The following PCDHGA12 variants were observed in gnomAD, a reference collection of about 807,000 sequenced individuals.
The protein encoded by PCDHGA12 is protocadherin gamma subfamily A, 12, also known as protocadherin gamma-A12.
A neutral mutation model predicts 61.1 loss-of-function variants in PCDHGA12; 43 were observed. The observed-to-expected ratio is 0.70, with a 90% CI of 0.55 to 0.91. The LOEUF is 0.91. Among genes scored for constraint, PCDHGA12 ranks in the 40% least tolerant of loss-of-function variants. The pLI is 0.00. For missense variants in PCDHGA12, 1,236 were observed against 1,227.7 expected (o/e 1.01, Z -0.10); for synonymous variants, 520 against 542.9 (o/e 0.96, Z 0.59).
intron 1 of PCDHGA12, among the ~76,000 whole-genome samples, chr5:141,462,009 G>C (rs2099028674): frequency 6.6e-6 from 1 of 152,190 alleles, no homozygotes; most frequent in Non-Finnish European, 1.5e-5. Flanking sequence ...TTTTAATAGA[G>C]ACGGGGTTTC....
Position 141,512,171 on chromosome 5 carries a change from T to C in PCDHGA12, c.*998T>C, listed in dbSNP as rs140884268. ...GGGCTGAGCTAACAGGACCAATGGA[T>C]TAAACTGGCATTTCAGTCCAAGGAA... On this transcript the variant is annotated 3_prime_UTR_variant, in exon 4 of 4. Transcript: ENST00000252085. 584 of 152,796 alleles carry C rather than the reference T, an allele frequency of 3.8e-3. 5 individuals carry two copies. The highest frequency in any genetic ancestry group is 0.011 in the Admixed American group (167 of 15,298). The allele number at this position is 152,796 out of a possible 1,614,324, so 9.5% of individuals were successfully genotyped here. A position where few individuals can be genotyped will look rare whatever the true frequency, so the allele number is the denominator to read the frequency against.
intron 1 of PCDHGA12, among the ~76,000 whole-genome samples, chr5:141,457,155 A>G (rs1403164805): frequency 1.3e-5 from 2 of 152,216 alleles, no homozygotes; most frequent in Admixed American, 6.5e-5. Flanking sequence ...AGAAGGTGCT[A>G]CCATGGATAA....
In PCDHGA12 at chr5:141,505,470, C is replaced by G; in HGVS notation, c.2561C>G (p.Ala854Gly). 6.2e-7 allele frequency: 1 copy of G among 1,614,186 alleles called. No individual in the cohort carries two copies. Among genetic ancestry groups the G allele is most frequent in the Non-Finnish European group, 8.5e-7 (1 of 1,180,002 alleles). Residue 854 changes from alanine to glycine, a missense_variant, in exon 3 of 4, where the codon GCG (alanine) becomes GGG (glycine). Ala to Gly is a moderately conservative substitution (Grantham distance 60). Transcript: ENST00000252085. ...GAGATGCTGCAAGCCATGATCTTGG[C>G]GTCCGCCAGTGGTAAGTGGTGTCAG... The part of the protein sequence containing the change: ...DTEMLQAMIL[A>G]SASEAADGSS...
chr5:141,462,983 T>C (rs530985795), intron 1 of PCDHGA12, among the ~76,000 whole-genome samples: 278 of 152,304 alleles, frequency 1.8e-3, no homozygotes, highest in Non-Finnish European at 3.4e-3. Flanking sequence ...AACTTTTGCC[T>C]TGGGCTAATT....
rs202183643 is a variant in PCDHGA12 at position 141,490,646 on chromosome 5, C to T, written c.2425-4161C>T. 9 of 1,614,186 alleles carry T rather than the reference C, an allele frequency of 5.6e-6. No homozygotes were observed. Among genetic ancestry groups the T allele is most frequent in the African/African-American group, 2.7e-5 (2 of 75,054 alleles). ...GCTTACATCCTAGAAAACCGGCCTC[C>T]GGGCTCCCTTCTTTGCACTGTGGCT... On this transcript the variant is annotated intron_variant, in intron 1 of 3. Transcript: ENST00000252085. The surrounding 1 kb of genome is among the most constrained non-coding windows in gnomAD (Gnocchi z 5.4).
intron 1 of PCDHGA12, among the ~76,000 whole-genome samples, chr5:141,438,517 T>G (rs975190211): frequency 6.7e-6 from 1 of 148,384 alleles, no homozygotes; most frequent in Non-Finnish European, 1.5e-5. Context: ...AAACCAATTA[T>G]TTTACATGGA....
rs1399367534 is a variant in PCDHGA12 at position 141,487,098 on chromosome 5, A to G, written c.2425-7709A>G. 6.2e-7 allele frequency: 1 copy of G among 1,613,778 alleles called. No homozygotes were observed. The highest frequency in any genetic ancestry group is 8.5e-7 in the Non-Finnish European group (1 of 1,179,788). On this transcript the variant is annotated intron_variant, in intron 1 of 3. Transcript: ENST00000252085. The surrounding 1 kb of genome is among the most constrained non-coding windows in gnomAD (Gnocchi z 5.0). ...ATCCCAGCTGACCTCCCACCACAGA[A>G]GCTGGTCATTGTGGTAAAGGATAGT...
Position 141,490,157 on chromosome 5 carries a change from G to T in PCDHGA12, c.2425-4650G>T. 1 of 1,614,210 alleles carries T rather than the reference G, an allele frequency of 6.2e-7. No homozygotes were observed. The highest frequency in any genetic ancestry group is 8.5e-7 in the Non-Finnish European group (1 of 1,180,038). On this transcript the variant is annotated intron_variant, in intron 1 of 3. Transcript: ENST00000252085. This position sits in a 1 kb window ranked among gnomAD's most constrained non-coding sequence, Gnocchi z 5.4. ...AGCAGTGGGGCAATCCATGTGTTGGGTCCCATAGACTTTGAGGAGTCACGT... is the reference window on the plus strand; with the variant it reads ...AGCAGTGGGGCAATCCATGTGTTGGTTCCCATAGACTTTGAGGAGTCACGT...
Position 141,477,098 on chromosome 5 carries a change from G to A in PCDHGA12, c.2425-17709G>A, listed in dbSNP as rs1562059777. 1.9e-6 allele frequency: 3 copies of A among 1,614,124 alleles called. No individual in the cohort carries two copies. The highest frequency in any genetic ancestry group is 3.3e-5 in the Admixed American group (2 of 60,008). The stretch of plus-strand genomic sequence containing the variant: ...GATTTACATCCAGGCCAAAGACAAG[G>A]GCGCCAATCCCGAAGGAGCACATTG... On this transcript the variant is annotated intron_variant, in intron 1 of 3. Coordinates refer to ENST00000252085, the MANE Select transcript of PCDHGA12 (RefSeq NM_003735.3). This position sits in a 1 kb window ranked among gnomAD's most constrained non-coding sequence, Gnocchi z 4.9.
chr5:141,498,971 G>GGGAAGGAAGGAAGGAAGGAAGGAA (rs201769957), intron 2 of PCDHGA12, among the ~76,000 whole-genome samples: 2 of 110,972 alleles, frequency 1.8e-5, no homozygotes, highest in African/African-American at 3.6e-5. Context: ...GAGGGAGGGA[G>GGGAAGGAAGGAAGGAAGGAAGGAA]GGAAGGAAGG....
intron 1 of PCDHGA12, among the ~76,000 whole-genome samples, chr5:141,473,946 G>A (rs1399816546): frequency 6.6e-6 from 1 of 152,170 alleles, no homozygotes; most frequent in African/African-American, 2.4e-5. Context: ...GCTCAGGCCT[G>A]TAGTCCCATC....
intron 1 of PCDHGA12, chr5:141,478,814 C>T (rs1271237848): frequency 6.9e-7 from 1 of 1,451,050 alleles, no homozygotes; most frequent in East Asian, 2.5e-5. Context: ...GCTATCACAA[C>T]TAACCAATCT....
At chr5:141,470,015 G>C (rs999085849) in intron 1 of PCDHGA12, among the ~76,000 whole-genome samples, 1 of 152,130 alleles carries the variant, frequency 6.6e-6, no homozygotes, top group Non-Finnish European at 1.5e-5. Context: ...TGTAATCCCA[G>C]CTACTCGGGA....
At position 141,510,973 on chromosome 5, in the gene PCDHGA12, G is replaced by A. The variant is rs1448442252; in HGVS notation, c.2599G>A (p.Gly867Arg). 2 of 1,614,042 alleles carry A rather than the reference G, an allele frequency of 1.2e-6. No individual in the cohort carries two copies. Among genetic ancestry groups the A allele is most frequent in the East Asian group, 2.2e-5 (1 of 44,894 alleles). ...AGCTGCTGATGGGAGCTCCACCCTG[G>A]GAGGGGGTGCCGGCACCATGGGATT... ...SEAADGSSTL[G>R]GGAGTMGLSA... Residue 867 changes from glycine (G) to arginine (R), a missense_variant, in exon 4 of 4, where the codon GGA (glycine) becomes AGA (arginine). Gly to Arg is a moderately radical substitution (Grantham distance 125). Transcript: ENST00000252085.
Position 141,502,866 on chromosome 5 carries a change from C to CTTTTTTTTTTTTT in PCDHGA12, c.2484-2525_2484-2513dup, listed in dbSNP as rs549047197. ...GAGCTGCCTAACCCTGACTCTCTGT[C>CTTTTTTTTTTTTT]TTTTTTTTTTTTTTGACAGGGAGTC... On this transcript the variant is annotated intron_variant, in intron 2 of 3. Transcript: ENST00000252085. Among the ~76,000 whole-genome samples, 40 of 128,010 alleles carry CTTTTTTTTTTTTT rather than the reference C, an allele frequency of 3.1e-4. 6 individuals carry two copies. The highest frequency in any genetic ancestry group is 5.1e-4 in the Admixed American group (6 of 11,656). 84.0% of individuals were successfully genotyped at this position (128,010 alleles called of 152,430 possible). A position where few individuals can be genotyped will look rare whatever the true frequency, so the allele number is the denominator to read the frequency against.
Position 141,477,678 on chromosome 5 carries a change from C to T in PCDHGA12, c.2425-17129C>T, listed in dbSNP as rs967769574. ...AATCGTGACAATGGCATAGTGTCAT[C>T]CTTAGTGCCCCTAGACTATGAGGAT... On this transcript the variant is annotated intron_variant, in intron 1 of 3. Coordinates refer to ENST00000252085, the MANE Select transcript of PCDHGA12 (RefSeq NM_003735.3). This position sits in a 1 kb window ranked among gnomAD's most constrained non-coding sequence, Gnocchi z 4.9. 9.9e-6 allele frequency: 16 copies of T among 1,614,182 alleles called. No homozygotes were observed. The highest frequency in any genetic ancestry group is 1.1e-5 in the Non-Finnish European group (13 of 1,180,046).
intron 1 of PCDHGA12, among the ~76,000 whole-genome samples, chr5:141,446,698 G>C (rs750413432): frequency 1.3e-5 from 2 of 152,070 alleles, no homozygotes; most frequent in African/African-American, 4.8e-5. Flanking sequence ...GGCTGGTCTC[G>C]AACTCTGATC....
At chr5:141,471,743 C>T (rs769600930) in intron 1 of PCDHGA12, among the ~76,000 whole-genome samples, 2 of 152,142 alleles carry the variant, frequency 1.3e-5, no homozygotes, top group Non-Finnish European at 2.9e-5. Flanking sequence ...GGAGACATAA[C>T]ATATTTGAGG....
In PCDHGA12 at chr5:141,477,669, T is replaced by C; in HGVS notation, c.2425-17138T>C. Reference sequence around the variant, plus strand: ...TTCACAATAAATCGTGACAATGGCATAGTGTCATCCTTAGTGCCCCTAGAC... The same window carrying C: ...TTCACAATAAATCGTGACAATGGCACAGTGTCATCCTTAGTGCCCCTAGAC... On this transcript the variant is annotated intron_variant, in intron 1 of 3. Coordinates refer to ENST00000252085, the MANE Select transcript of PCDHGA12 (RefSeq NM_003735.3). This position sits in a 1 kb window ranked among gnomAD's most constrained non-coding sequence, Gnocchi z 4.9. 6.2e-7 allele frequency: 1 copy of C among 1,614,200 alleles called. No individual in the cohort carries two copies. Among genetic ancestry groups the C allele is most frequent in the Non-Finnish European group, 8.5e-7 (1 of 1,180,030 alleles).
Sources: allele counts gnomAD v4.1 joint callset (sites outside exome capture counted in the v4.1 genomes callset), GRCh38; gene constraint gnomAD v4.1.1; non-coding constraint Gnocchi (gnomAD v3.1); transcripts MANE v1.5; gene names NCBI Gene and HGNC (gene_info 2026-07-23, HGNC 2026-07-21).